The following RTN4RL1 variants were observed in gnomAD, a reference collection of about 807,000 sequenced individuals.
The protein encoded by RTN4RL1 is reticulon-4 receptor-like 1.
Under a neutral mutation model 25.6 loss-of-function variants are expected in RTN4RL1, and 7 were observed. That is an observed-to-expected ratio of 0.27 (90% confidence interval 0.16 to 0.51). RTN4RL1 has a LOEUF of 0.51. RTN4RL1 is among the 20% of genes least tolerant of loss of function. RTN4RL1 has a pLI of 0.97. For synonymous variants in RTN4RL1, 297 were observed against 288.2 expected (o/e 1.03, Z -0.31); for missense variants, 500 against 615.6 (o/e 0.81, Z 1.99).
At chr17:1,990,899 G>T (rs2151319109) in intron 1 of RTN4RL1, among the ~76,000 whole-genome samples, 1 of 152,262 alleles carries the variant, frequency 6.6e-6, no homozygotes, top group East Asian at 1.9e-4. Context: ...AGAGGAGACG[G>T]TGTGCACACA....
intron 1 of RTN4RL1, among the ~76,000 whole-genome samples, chr17:1,975,837 G>A (rs551709051): frequency 5.3e-5 from 8 of 152,148 alleles, no homozygotes; most frequent in African/African-American, 1.7e-4. Context: ...TCTACCTCAC[G>A]GGTGTGCGAA....
intron 1 of RTN4RL1, among the ~76,000 whole-genome samples, chr17:1,988,804 A>T (rs140215987): frequency 1.3e-5 from 2 of 150,568 alleles, no homozygotes; most frequent in Non-Finnish European, 2.9e-5. Flanking sequence ...TTGTCCAGGT[A>T]AGCAGGCTGA....
rs939180791 is a variant in RTN4RL1 at position 1,998,755 on chromosome 17, G to A, written c.13+26098C>T. 6.6e-6 allele frequency among the ~76,000 whole-genome samples: 1 copy of A among 150,702 alleles called. No homozygotes were observed. Among genetic ancestry groups the A allele is most frequent in the African/African-American group, 2.4e-5 (1 of 41,078 alleles). On this transcript the variant is annotated intron_variant, in intron 1 of 1. Coordinates refer to ENST00000331238, the MANE Select transcript of RTN4RL1 (RefSeq NM_178568.4). This position sits in a 1 kb window ranked among gnomAD's most constrained non-coding sequence, Gnocchi z 4.9. ...CGCAGCACAGACGGGGACAGGGGCG[G>A]CCTCGCGCGCACGGGGACCCCGGGG...
At chr17:2,004,077 AC>A (rs1449514170) in intron 1 of RTN4RL1, among the ~76,000 whole-genome samples, 1 of 127,082 alleles carries the variant, frequency 7.9e-6, no homozygotes, top group African/African-American at 3.0e-5. Flanking sequence ...TCTCAAAAAA[AC>A]AAAAAGCAGG....
Position 2,014,337 on chromosome 17 carries a change from C to T in RTN4RL1, c.13+10516G>A, listed in dbSNP as rs982221889. 2.6e-5 allele frequency among the ~76,000 whole-genome samples: 4 copies of T among 152,310 alleles called. No individual in the cohort carries two copies. The East Asian group carries it at 7.7e-4, about 29-fold the overall frequency. On this transcript the variant is annotated intron_variant, in intron 1 of 1. Transcript: ENST00000331238. ...TCACATAAAAGTATTATCATCGCAACAAGGAAGGCTGAGTACCATGACAGG... is the reference window on the plus strand; with the variant it reads ...TCACATAAAAGTATTATCATCGCAATAAGGAAGGCTGAGTACCATGACAGG...
intron 1 of RTN4RL1, among the ~76,000 whole-genome samples, chr17:1,938,582 G>A (rs892753989): frequency 1.3e-5 from 2 of 151,890 alleles, no homozygotes; most frequent in African/African-American, 4.8e-5. Flanking sequence ...ACAGGTGTGA[G>A]CCACCGCGCC....
At chr17:2,013,986 G>A (rs2067086271) in intron 1 of RTN4RL1, among the ~76,000 whole-genome samples, 2 of 152,244 alleles carry the variant, frequency 1.3e-5, no homozygotes, top group Non-Finnish European at 2.9e-5. Flanking sequence ...TCCCTGACTG[G>A]CTTCTCCCCT....
At chr17:1,952,946 G>C (rs1052140485) in intron 1 of RTN4RL1, among the ~76,000 whole-genome samples, 2 of 151,688 alleles carry the variant, frequency 1.3e-5, no homozygotes, top group African/African-American at 4.8e-5. Context: ...GTGTGGTGGC[G>C]TGCCTCTGTA....
chr17:2,025,108 C>G lies in RTN4RL1; in HGVS notation c.-243G>C. The G allele has an allele frequency of 2.8e-6, 1 of 355,378 alleles. No individual in the cohort carries two copies. Among genetic ancestry groups the G allele is most frequent in the Non-Finnish European group, 5.0e-6 (1 of 199,018 alleles). The allele number at this position is 355,378 out of a possible 1,614,324, so 22.0% of individuals were successfully genotyped here. A position where few individuals can be genotyped will look rare whatever the true frequency, so the allele number is the denominator to read the frequency against. On this transcript the variant is annotated 5_prime_UTR_variant, in exon 1 of 2. Coordinates refer to ENST00000331238, the MANE Select transcript of RTN4RL1 (RefSeq NM_178568.4). The surrounding 1 kb of genome is among the most constrained non-coding windows in gnomAD (Gnocchi z 4.8). ...CCGGCAGCCCCGCGCGCTTGCTCAG[C>G]CCCGGGGCGAGCGGCTTGCTCCGCG...
intron 1 of RTN4RL1, among the ~76,000 whole-genome samples, chr17:1,990,115 T>G (rs1286942584): frequency 6.6e-6 from 1 of 152,026 alleles, no homozygotes; most frequent in East Asian, 1.9e-4. Context: ...GCATAGAATA[T>G]TTGGGAAGCT....
At chr17:1,977,413 C>T (rs1005188589) in intron 1 of RTN4RL1, among the ~76,000 whole-genome samples, 1 of 152,212 alleles carries the variant, frequency 6.6e-6, no homozygotes, top group African/African-American at 2.4e-5. Flanking sequence ...CCCTTCCCCA[C>T]CTTCGGGGTT....
At chr17:1,947,212 G>T (rs1477112134) in intron 1 of RTN4RL1, among the ~76,000 whole-genome samples, 1 of 152,204 alleles carries the variant, frequency 6.6e-6, no homozygotes, top group Non-Finnish European at 1.5e-5. Flanking sequence ...ACGTGTGTCT[G>T]CGCACGCACG....
chr17:1,977,635 G>A (rs2066848286), intron 1 of RTN4RL1, among the ~76,000 whole-genome samples: 1 of 152,140 alleles, frequency 6.6e-6, no homozygotes, highest in African/African-American at 2.4e-5. Flanking sequence ...GGAGGGGAGC[G>A]GTAAGTGGGG....
chr17:1,961,383 C>T (rs1178846863), intron 1 of RTN4RL1, among the ~76,000 whole-genome samples: 1 of 152,138 alleles, frequency 6.6e-6, no homozygotes. Flanking sequence ...GGCCTGGAGG[C>T]GCGAGAGAGG....
At chr17:1,960,534 T>C (rs777038865) in intron 1 of RTN4RL1, among the ~76,000 whole-genome samples, 7 of 152,228 alleles carry the variant, frequency 4.6e-5, no homozygotes, top group African/African-American at 7.2e-5. Context: ...CCTTGGAGGC[T>C]TTGTTTTCTT....
intron 1 of RTN4RL1, among the ~76,000 whole-genome samples, chr17:2,004,822 C>T (rs2066982495): frequency 6.6e-6 from 1 of 152,166 alleles, no homozygotes; most frequent in Non-Finnish European, 1.5e-5. Flanking sequence ...ATCACTCACA[C>T]AGCTCTGGAG....
Position 1,994,573 on chromosome 17 carries a change from C to T in RTN4RL1, c.13+30280G>A, listed in dbSNP as rs1330787051. 1.3e-5 allele frequency among the ~76,000 whole-genome samples: 2 copies of T among 152,198 alleles called. No homozygotes were observed. The highest frequency in any genetic ancestry group is 2.9e-5 in the Non-Finnish European group (2 of 68,044). On this transcript the variant is annotated intron_variant, in intron 1 of 1. Coordinates refer to ENST00000331238, the MANE Select transcript of RTN4RL1 (RefSeq NM_178568.4). The surrounding 1 kb of genome is among the most constrained non-coding windows in gnomAD (Gnocchi z 4.3). ...CCCACAATTTGGGAGAAGGTCCTGC[C>T]ACTACCTAACTTCACAGAAGGCAGA...
At chr17:1,964,141 G>A (rs954159939) in intron 1 of RTN4RL1, among the ~76,000 whole-genome samples, 1 of 152,202 alleles carries the variant, frequency 6.6e-6, no homozygotes, top group African/African-American at 2.4e-5. Flanking sequence ...GTCCAGCATA[G>A]TAGCTGCTAC....
At chr17:1,955,136 G>A (rs1478209985) in intron 1 of RTN4RL1, among the ~76,000 whole-genome samples, 1 of 152,180 alleles carries the variant, frequency 6.6e-6, no homozygotes, top group South Asian at 2.1e-4. Flanking sequence ...CTGCCAGTCT[G>A]TGACCTCAGG....
Sources: allele counts gnomAD v4.1 joint callset (sites outside exome capture counted in the v4.1 genomes callset), GRCh38; gene constraint gnomAD v4.1.1; non-coding constraint Gnocchi (gnomAD v3.1); transcripts MANE v1.5; gene names NCBI Gene and HGNC (gene_info 2026-07-23, HGNC 2026-07-21).